The following CHN2 variants were observed in gnomAD, a reference collection of about 807,000 sequenced individuals.
CHN2 encodes the protein chimerin 2, also known as beta-chimaerin.
In CHN2, 35 loss-of-function variants were observed where a neutral mutation model predicts 56.3. The observed-to-expected ratio is 0.62, with a 90% CI of 0.47 to 0.82. The LOEUF (loss-of-function observed/expected upper bound fraction) is 0.82, where lower values mean the gene tolerates loss of function less well. CHN2 is among the 40% of genes least tolerant of loss of function. The pLI is 0.00. For missense variants in CHN2, 491 were observed against 580.5 expected (o/e 0.85, Z 1.58); for synonymous variants, 210 against 212.8 (o/e 0.99, Z 0.12).
intron 2 of CHN2, among the ~76,000 whole-genome samples, chr7:29,364,821 C>T (rs925859704): frequency 2.0e-5 from 3 of 152,194 alleles, no homozygotes; most frequent in Non-Finnish European, 4.4e-5. Context: ...ATTGAGGAAT[C>T]TTTGTCCCAT....
chr7:29,206,011 T>A (rs1784496805), intron 1 of CHN2, among the ~76,000 whole-genome samples: 2 of 152,146 alleles, frequency 1.3e-5, no homozygotes, highest in South Asian at 4.1e-4. Flanking sequence ...TAACCACTAC[T>A]CTGAATTTTC....
At chr7:29,313,992 AG>A (rs1187559014) in intron 1 of CHN2, among the ~76,000 whole-genome samples, 1 of 152,140 alleles carries the variant, frequency 6.6e-6, no homozygotes, top group Non-Finnish European at 1.5e-5. Flanking sequence ...AGTGCTTGCC[AG>A]TATATACACT....
intron 12 of CHN2, among the ~76,000 whole-genome samples, chr7:29,511,201 T>TTTTTC (rs1791332874): frequency 6.6e-6 from 1 of 152,216 alleles, no homozygotes; most frequent in African/African-American, 2.4e-5. Flanking sequence ...TTCTACCTTA[T>TTTTTC]AAGACATACA....
chr7:29,154,237 C>G (rs1178669128), intron 2 of CHN2, among the ~76,000 whole-genome samples: 4 of 152,128 alleles, frequency 2.6e-5, no homozygotes, highest in African/African-American at 9.7e-5. Context: ...AGGAGGGGCC[C>G]CAGCCAGCAG....
intron 3 of CHN2, among the ~76,000 whole-genome samples, chr7:29,382,715 T>C (rs1028386664): frequency 9.9e-5 from 15 of 151,094 alleles, no homozygotes; most frequent in African/African-American, 3.7e-4. Flanking sequence ...TCAGGCCTTT[T>C]ATAAAGTTCA....
intron 6 of CHN2, among the ~76,000 whole-genome samples, chr7:29,470,548 G>A (rs980603407): frequency 6.6e-6 from 1 of 152,146 alleles, no homozygotes; most frequent in Non-Finnish European, 1.5e-5. Flanking sequence ...GAAAACAACC[G>A]GTTAATTTGA....
chr7:29,440,551 C>T (rs549139044), intron 6 of CHN2, among the ~76,000 whole-genome samples: 1 of 151,906 alleles, frequency 6.6e-6, no homozygotes, highest in East Asian at 1.9e-4. Context: ...ATTAGCCAAG[C>T]GTGGTGGCAC....
intron 4 of CHN2, chr7:29,397,472 C>T (rs1005308908): frequency 6.6e-6 from 1 of 152,216 alleles, no homozygotes; most frequent in African/African-American, 2.4e-5. Context: ...AGGGGTGTTA[C>T]TCCTTTCCCA....
chr7:29,177,789 C>G (rs1402296753), intron 2 of CHN2, among the ~76,000 whole-genome samples: 1 of 152,130 alleles, frequency 6.6e-6, no homozygotes, highest in African/African-American at 2.4e-5. Flanking sequence ...TCCCACCTAT[C>G]TATCTGTTCT....
intron 1 of CHN2, among the ~76,000 whole-genome samples, chr7:29,263,962 C>G (rs1789847164): frequency 8.5e-6 from 1 of 117,870 alleles, no homozygotes. Flanking sequence ...GCCGCCCCGT[C>G]TGGGAGGTGG....
intron 7 of CHN2, among the ~76,000 whole-genome samples, chr7:29,481,679 CTG>C (rs1262521161): frequency 1.9e-5 from 2 of 106,874 alleles, no homozygotes; most frequent in Non-Finnish European, 3.9e-5. Context: ...TTTTTTTACT[CTG>C]TTTTCCATTT....
chr7:29,493,803 T>C (rs895561232), intron 7 of CHN2, among the ~76,000 whole-genome samples: 1 of 152,214 alleles, frequency 6.6e-6, no homozygotes, highest in Non-Finnish European at 1.5e-5. Context: ...GACTACAACA[T>C]AGTTTTCATA....
At chr7:29,456,308 C>G (rs1784747039) in intron 6 of CHN2, among the ~76,000 whole-genome samples, 1 of 152,186 alleles carries the variant, frequency 6.6e-6, no homozygotes, top group African/African-American at 2.4e-5. Context: ...GTTCAGATGT[C>G]TATCTCCTCA....
chr7:29,147,956 A>T (rs1423169866), intron 2 of CHN2, among the ~76,000 whole-genome samples: 1 of 152,194 alleles, frequency 6.6e-6, no homozygotes. Context: ...GGCGATTTCC[A>T]GTTCCTGGTT....
At chr7:29,457,315 G>A (rs1401025262) in intron 6 of CHN2, among the ~76,000 whole-genome samples, 3 of 152,248 alleles carry the variant, frequency 2.0e-5, no homozygotes, top group Middle Eastern at 3.4e-3. Flanking sequence ...AGTCACGTCT[G>A]TGCTCCCGCT....
intron 11 of CHN2, 134 bp downstream of exon 11, chr7:29,507,499 TA>T: frequency 1.5e-6 from 1 of 682,076 alleles, no homozygotes; most frequent in East Asian, 2.8e-5. Context: ...GGCACAACAA[TA>T]AATAGCTGAC....
At chr7:29,330,424 C>T (rs1007727386) in intron 1 of CHN2, among the ~76,000 whole-genome samples, 1 of 152,078 alleles carries the variant, frequency 6.6e-6, no homozygotes, top group Non-Finnish European at 1.5e-5. Context: ...AGTTGGACAA[C>T]GTAAGAAAAA....
chr7:29,287,100 A>G (rs889229936), intron 1 of CHN2, among the ~76,000 whole-genome samples: 1 of 152,104 alleles, frequency 6.6e-6, no homozygotes, highest in Non-Finnish European at 1.5e-5. Context: ...TCTACTTTAT[A>G]CGGGTATGCA....
At position 29,283,922 on chromosome 7, in the gene CHN2, C is replaced by CTTTTTTTT. The variant is rs70980520; in HGVS notation, c.50-70680_50-70673dup. Among the ~76,000 whole-genome samples, 52 of 70,002 alleles carry CTTTTTTTT rather than the reference C, an allele frequency of 7.4e-4. 4 individuals are homozygous for CTTTTTTTT. Among genetic ancestry groups the CTTTTTTTT allele is most frequent in the African/African-American group, 2.4e-3 (38 of 15,712 alleles). The allele number at this position is 70,002 out of a possible 152,430, so 45.9% of individuals were successfully genotyped here. A position where few individuals can be genotyped will look rare whatever the true frequency, so the allele number is the denominator to read the frequency against. On this transcript the variant is annotated intron_variant, in intron 1 of 12. Transcript: ENST00000222792. Reference sequence around the variant, plus strand: ...AGGAGCCACCGTTCCCAGCCAAGCTCTTTTTTTTTTTTTTTTTTTTTTTTT... The same window carrying CTTTTTTTT: ...AGGAGCCACCGTTCCCAGCCAAGCTCTTTTTTTTTTTTTTTTTTTTTTTTTTTTTTTTT...
Sources: allele counts gnomAD v4.1 joint callset (sites outside exome capture counted in the v4.1 genomes callset), GRCh38; gene constraint gnomAD v4.1.1; transcripts MANE v1.5; gene names NCBI Gene and HGNC (gene_info 2026-07-23, HGNC 2026-07-21).